SUN1: variants seen among roughly 807,000 people sequenced by gnomAD.
The protein encoded by SUN1 is SUN domain-containing protein 1.
SUN1 carries 61 observed loss-of-function variants against 103.2 expected under a neutral mutation model. The observed-to-expected ratio is 0.59, with a 90% CI of 0.48 to 0.73. The LOEUF (loss-of-function observed/expected upper bound fraction) is 0.73. Among genes scored for constraint, SUN1 ranks in the 30% least tolerant of loss-of-function variants. The pLI, the probability that SUN1 is intolerant of heterozygous loss-of-function variation, is 0.00. For synonymous variants in SUN1, 490 were observed against 425.7 expected (o/e 1.15, Z -1.86); for missense variants, 1,052 against 1,034.6 (o/e 1.02, Z -0.23).
chr7:832,099 C>A (rs1013463719), upstream of SUN1: 17 of 1,004,438 alleles, frequency 1.7e-5, no homozygotes, highest in African/African-American at 2.8e-4. Context: ...CACGCTGTAG[C>A]AGGTAGTTCT....
At chr7:840,432 C>T (rs1017513898) in intron 2 of SUN1, among the ~76,000 whole-genome samples, 19 of 152,316 alleles carry the variant, frequency 1.2e-4, no homozygotes, top group African/African-American at 2.4e-4. Context: ...TGCCGCGCCA[C>T]GCTCCTGTGG....
At chr7:823,115 G>A (rs547578659) in intron 1 of SUN1, among the ~76,000 whole-genome samples, 10 of 152,380 alleles carry the variant, frequency 6.6e-5, no homozygotes, top group Non-Finnish European at 1.5e-5. Flanking sequence ...GTGGCAAAGC[G>A]AGCAGGGTGC....
At chr7:832,211 C>T (rs1180273619), upstream of SUN1, 10 of 744,378 alleles carry the variant, frequency 1.3e-5, no homozygotes, top group East Asian at 4.8e-5. Context: ...AGTTTCTCTC[C>T]GTGTTTCTTG....
At chr7:867,267 T>G (rs1026232971) in intron 16 of SUN1, among the ~76,000 whole-genome samples, 1 of 152,260 alleles carries the variant, frequency 6.6e-6, no homozygotes, top group African/African-American at 2.4e-5. Context: ...AGACGCAGCC[T>G]CTGCTGCCAC....
chr7:860,364 G>T lies in SUN1; in HGVS notation c.1761G>T (p.Ala587=), dbSNP rs748348070. ...AVVSAVSEAG[A]SGITEAQARA... is the part of the protein sequence containing the mutation. ...TGTCTGCTGTGAGCGAGGCGGGGGC[G>T]TCTGGAATAACAGAGGCGGTGAGTC... is the stretch of plus-strand genomic sequence containing the variant. The change falls in exon 14 of 19, where the codon GCG becomes GCT. Residue 587 remains alanine, a synonymous_variant. Coordinates refer to ENST00000401592, the MANE Select transcript of SUN1 (RefSeq NM_001130965.3). 3.7e-6 allele frequency: 6 copies of T among 1,613,654 alleles called. No individual in the cohort carries two copies. The African/African-American group carries it at 8.0e-5, about 22-fold the overall frequency.
chr7:847,907 T>C (rs1446985715), intron 5 of SUN1, among the ~76,000 whole-genome samples: 4 of 150,858 alleles, frequency 2.7e-5, no homozygotes, highest in Non-Finnish European at 4.5e-5. Context: ...CGGGATCCCC[T>C]GGGGGTTACT....
At chr7:844,983 T>C (rs1175658707) in intron 5 of SUN1, among the ~76,000 whole-genome samples, 1 of 152,212 alleles carries the variant, frequency 6.6e-6, no homozygotes, top group Admixed American at 6.5e-5. Context: ...TCAGTGTTTA[T>C]TGAGGCTGTG....
intron 5 of SUN1, chr7:850,081 A>G (rs766742848): frequency 6.0e-6 from 9 of 1,490,536 alleles, no homozygotes; most frequent in South Asian, 2.4e-5. Context: ...TCACCATGCT[A>G]TTTGTGTCTT....
chr7:816,447 C>G (rs1780514365), upstream of SUN1, among the ~76,000 whole-genome samples: 1 of 147,038 alleles, frequency 6.8e-6, no homozygotes, highest in Non-Finnish European at 1.5e-5. Context: ...CTCCCTCCCT[C>G]TCCCCCTCCC....
chr7:861,774 C>T (rs1832443994), intron 15 of SUN1, among the ~76,000 whole-genome samples: 1 of 152,228 alleles, frequency 6.6e-6, no homozygotes, highest in Non-Finnish European at 1.5e-5. Flanking sequence ...TGTTCAGTGC[C>T]TTCAGGAGAG....
intron 2 of SUN1, among the ~76,000 whole-genome samples, chr7:841,382 T>A (rs1809718866): frequency 6.6e-6 from 1 of 151,366 alleles, no homozygotes; most frequent in African/African-American, 2.4e-5. Flanking sequence ...TAGCTGAAAC[T>A]ACAGGCGCCC....
intron 1 of SUN1, among the ~76,000 whole-genome samples, chr7:837,551 C>A: frequency 1.3e-5 from 2 of 152,300 alleles, no homozygotes; most frequent in Non-Finnish European, 2.9e-5. Flanking sequence ...AAGGTGAGAT[C>A]TCTTATCTTC....
Position 873,551 on chromosome 7 carries a change from A to T in SUN1, c.*220A>T, listed in dbSNP as rs1843034611. ...GGTGCAGAGGGGTCAGCAGCAGGAG[A>T]AGCGTGTTGAACACGTGGCTCTCAG... On this transcript the variant is annotated 3_prime_UTR_variant, in exon 19 of 19. Coordinates refer to ENST00000401592, the MANE Select transcript of SUN1 (RefSeq NM_001130965.3). 1 of 511,456 alleles carries T rather than the reference A, an allele frequency of 2.0e-6. No homozygotes were observed. Among genetic ancestry groups the T allele is most frequent in the African/African-American group, 1.9e-5 (1 of 51,540 alleles). The allele number at this position is 511,456 out of a possible 1,614,324, so 31.7% of individuals were successfully genotyped here.
At chr7:827,802 A>AG (rs1344345359), upstream of SUN1, among the ~76,000 whole-genome samples, 1 of 152,090 alleles carries the variant, frequency 6.6e-6, no homozygotes. Context: ...CAAGAAAAAA[A>AG]ACTGAGCTGT....
At chr7:858,374 C>T (rs1055201394) in intron 13 of SUN1, among the ~76,000 whole-genome samples, 1 of 130,670 alleles carries the variant, frequency 7.7e-6, no homozygotes, top group East Asian at 2.3e-4. Context: ...TGTTTAATTT[C>T]AACTCCCTTT....
At chr7:830,591 T>TC (rs5881884), upstream of SUN1, among the ~76,000 whole-genome samples, 94,641 of 152,074 alleles carry the variant, frequency 0.62, 29,459 homozygotes, top group African/African-American at 0.65. Flanking sequence ...CATCCTCACT[T>TC]CCTCAGCACC....
chr7:826,266 A>G (rs36083171), intron 1 of SUN1, among the ~76,000 whole-genome samples: 3,717 of 47,514 alleles, frequency 0.078, 60 homozygotes, highest in Admixed American at 0.11. Context: ...CAAAGAAACG[A>G]ACTGCCTGAT....
At chr7:826,368 G>A (rs1279161888) in intron 1 of SUN1, among the ~76,000 whole-genome samples, 2 of 152,162 alleles carry the variant, frequency 1.3e-5, no homozygotes, top group Non-Finnish European at 2.9e-5. Context: ...CTGTGTGTGT[G>A]CGCCTGTGTG....
At position 852,900 on chromosome 7, in the gene SUN1, AC is replaced by A. The variant is rs745770489; in HGVS notation, c.1006del (p.Gln336ArgfsTer11). On this transcript the variant is annotated frameshift_variant, in exon 9 of 19. Coordinates refer to ENST00000401592, the MANE Select transcript of SUN1 (RefSeq NM_001130965.3). LOFTEE classifies it high-confidence loss of function. Reference protein sequence around the residue: ...ASMHRTQRVDDPQDVFKPTTS... With the variant: ...ASMHRTQRVDXPQDVFKPTTS... Reference sequence around the variant, plus strand: ...ATGCATAGAACACAGCGGGTGGATGACCCCCAGGACGTGTTTAAACCCACGA... The same window carrying A: ...ATGCATAGAACACAGCGGGTGGATGACCCCAGGACGTGTTTAAACCCACGA... 6.2e-7 allele frequency: 1 copy of A among 1,613,528 alleles called. No homozygotes were observed. The highest frequency in any genetic ancestry group is 8.5e-7 in the Non-Finnish European group (1 of 1,179,944).
Sources: gnomAD v4.1 joint callset for allele counts (sites outside exome capture counted in the v4.1 genomes callset) on GRCh38, gnomAD v4.1.1 for gene constraint, MANE v1.5 for transcripts, NCBI Gene and HGNC (gene_info 2026-07-23, HGNC 2026-07-21) for gene names.